The following SLC2A13 variants were observed in gnomAD, a reference collection of about 807,000 sequenced individuals.
SLC2A13 encodes solute carrier family 2 member 13, also known as proton myo-inositol cotransporter.
A neutral mutation model predicts 64.4 loss-of-function variants in SLC2A13; 32 were observed. That is an observed-to-expected ratio of 0.50 (90% CI 0.37 to 0.67). The LOEUF is 0.67. SLC2A13 is among the 30% of genes least tolerant of loss of function. The probability of loss-of-function intolerance (pLI) is 0.00; values close to 1 mark genes in which losing one functional copy is unlikely to be tolerated. For missense variants in SLC2A13, 743 were observed against 829.2 expected, an observed-to-expected ratio of 0.90 and a Z score of 1.28; for synonymous variants, 338 against 327.1, an observed-to-expected ratio of 1.03 and a Z score of -0.36.
At chr12:39,929,133 A>G (rs927858200) in intron 4 of SLC2A13, among the ~76,000 whole-genome samples, 1 of 152,194 alleles carries the variant, frequency 6.6e-6, no homozygotes, top group Non-Finnish European at 1.5e-5. Context: ...GAGGGAGAAA[A>G]ACAACCCAAG....
At chr12:39,820,777 A>ATATATATATAT (rs1942481343) in intron 7 of SLC2A13, among the ~76,000 whole-genome samples, 3 of 143,956 alleles carry the variant, frequency 2.1e-5, no homozygotes, top group East Asian at 2.0e-4. Flanking sequence ...ATATATATAT[A>ATATATATATAT]AAGCAACATG....
chr12:39,970,357 T>C (rs1198079049), intron 3 of SLC2A13, among the ~76,000 whole-genome samples: 1 of 152,234 alleles, frequency 6.6e-6, no homozygotes, highest in Non-Finnish European at 1.5e-5. Context: ...TTTCTTGTTC[T>C]ATTGAAACTA....
intron 3 of SLC2A13, among the ~76,000 whole-genome samples, chr12:40,018,701 C>A (rs1223998590): frequency 6.6e-6 from 1 of 152,108 alleles, no homozygotes; most frequent in East Asian, 1.9e-4. Context: ...TAATATAATT[C>A]TTTTTGCGAG....
chr12:40,098,490 T>C (rs750166767), intron 1 of SLC2A13, among the ~76,000 whole-genome samples: 4 of 152,244 alleles, frequency 2.6e-5, no homozygotes, highest in Non-Finnish European at 5.9e-5. Flanking sequence ...ATGTTATGTG[T>C]TCTTTACCAC....
At chr12:40,057,588 A>G (rs546017854) in intron 1 of SLC2A13, among the ~76,000 whole-genome samples, 8 of 152,258 alleles carry the variant, frequency 5.3e-5, no homozygotes, top group African/African-American at 1.9e-4. Context: ...CGTTTCCTTA[A>G]CCATTTTTCC....
intron 9 of SLC2A13, among the ~76,000 whole-genome samples, chr12:39,762,059 T>G (rs1940173035): frequency 6.6e-6 from 1 of 152,062 alleles, no homozygotes; most frequent in African/African-American, 2.4e-5. Context: ...GGAATTGCTA[T>G]TAAAATACAA....
intron 3 of SLC2A13, among the ~76,000 whole-genome samples, chr12:39,997,694 G>A (rs1375865958): frequency 6.6e-6 from 1 of 152,152 alleles, no homozygotes; most frequent in Admixed American, 6.5e-5. Context: ...ATCCGGGCAT[G>A]GTGGCGGGTG....
At chr12:39,836,275 T>A (rs1477200993) in intron 6 of SLC2A13, among the ~76,000 whole-genome samples, 1 of 152,122 alleles carries the variant, frequency 6.6e-6, no homozygotes, top group Non-Finnish European at 1.5e-5. Flanking sequence ...CTGGGGGAAC[T>A]GAATGCAGAT....
intron 4 of SLC2A13, among the ~76,000 whole-genome samples, chr12:39,887,641 T>C (rs1016756374): frequency 1.3e-5 from 2 of 152,220 alleles, no homozygotes; most frequent in Non-Finnish European, 2.9e-5. Flanking sequence ...CAGCTTCTTC[T>C]ATTCCAGTGA....
chr12:39,998,025 T>C (rs916635425), intron 3 of SLC2A13, among the ~76,000 whole-genome samples: 4 of 152,150 alleles, frequency 2.6e-5, no homozygotes, highest in African/African-American at 9.7e-5. Flanking sequence ...ACTGGATATA[T>C]ACCCAGAAGA....
intron 2 of SLC2A13, among the ~76,000 whole-genome samples, chr12:40,033,632 C>T (rs1221477182): frequency 6.6e-6 from 1 of 152,212 alleles, no homozygotes; most frequent in African/African-American, 2.4e-5. Flanking sequence ...TAAAATACCT[C>T]ATGTGTAAAG....
At chr12:39,915,594 A>T (rs1945508807) in intron 4 of SLC2A13, among the ~76,000 whole-genome samples, 1 of 151,938 alleles carries the variant, frequency 6.6e-6, no homozygotes, top group Admixed American at 6.6e-5. Flanking sequence ...TGAGTAAAAG[A>T]CTTGACATTT....
At chr12:39,794,821 A>G (rs1284247063) in intron 7 of SLC2A13, among the ~76,000 whole-genome samples, 1 of 152,180 alleles carries the variant, frequency 6.6e-6, no homozygotes, top group African/African-American at 2.4e-5. Flanking sequence ...TAATTTGTCT[A>G]AGGTTTTTAA....
chr12:39,759,945 G>C lies in SLC2A13; in HGVS notation c.*81C>G. ...CTAGGCTGTGGAAAGAACCAGATTA[G>C]AAGCAGGGCAGTGAAGTCACCAATT... is the stretch of plus-strand genomic sequence containing the variant. On this transcript the variant is annotated 3_prime_UTR_variant, in exon 10 of 10. Coordinates refer to ENST00000280871, the MANE Select transcript of SLC2A13 (RefSeq NM_052885.4). 1 of 1,009,942 alleles carries C rather than the reference G, an allele frequency of 9.9e-7. No homozygotes were observed. The highest frequency in any genetic ancestry group is 1.5e-6 in the Non-Finnish European group (1 of 662,684). The allele number at this position is 1,009,942 out of a possible 1,614,324, so 62.6% of individuals were successfully genotyped here. A position where few individuals can be genotyped will look rare whatever the true frequency, so the allele number is the denominator to read the frequency against.
chr12:39,825,084 G>A (rs1377416467), intron 7 of SLC2A13, among the ~76,000 whole-genome samples: 1 of 152,146 alleles, frequency 6.6e-6, no homozygotes. Flanking sequence ...GGTAAACAAT[G>A]AATTGCCAAA....
intron 3 of SLC2A13, among the ~76,000 whole-genome samples, chr12:39,978,687 C>T (rs938003802): frequency 5.3e-5 from 8 of 152,126 alleles, no homozygotes; most frequent in African/African-American, 1.2e-4. Context: ...CACGGAATCT[C>T]GCGGATTGCT....
rs571257090 is a variant in SLC2A13, at chr12:39,813,923, C to T, written c.1445+16180G>A. Among the ~76,000 whole-genome samples, 10 of 152,362 alleles carry T rather than the reference C, an allele frequency of 6.6e-5. No individual in the cohort carries two copies. The South Asian group carries it at 1.9e-3, about 28-fold the overall frequency. ...TCCTGGAAACTGTCTGAAGCCTACA[C>T]AGTCACATCTTGGATAACTCCACAT... On this transcript the variant is annotated intron_variant, in intron 7 of 9. Coordinates refer to ENST00000280871, the MANE Select transcript of SLC2A13 (RefSeq NM_052885.4).
chr12:40,089,519 G>C (rs1592074988), intron 1 of SLC2A13, among the ~76,000 whole-genome samples: 1 of 152,224 alleles, frequency 6.6e-6, no homozygotes, highest in East Asian at 1.9e-4. Flanking sequence ...GAGAATTTTA[G>C]AATCAAGCGG....
chr12:39,981,590 T>C (rs1295262053), intron 3 of SLC2A13, among the ~76,000 whole-genome samples: 4 of 150,728 alleles, frequency 2.7e-5, no homozygotes, highest in African/African-American at 7.3e-5. Flanking sequence ...AATGGATACA[T>C]TCCTCGACAC....
Sources: allele counts gnomAD v4.1 joint callset (sites outside exome capture counted in the v4.1 genomes callset), GRCh38; gene constraint gnomAD v4.1.1; transcripts MANE v1.5; gene names NCBI Gene and HGNC (gene_info 2026-07-23, HGNC 2026-07-21).